CIT: variants seen among roughly 807,000 people sequenced by gnomAD.
CIT encodes citron Rho-interacting kinase.
CIT carries 79 observed loss-of-function variants against 272.7 expected under a neutral mutation model. The observed-to-expected ratio is 0.29, with a 90% confidence interval of 0.24 to 0.35. The LOEUF (loss-of-function observed/expected upper bound fraction) is 0.35. Ranked by LOEUF, CIT falls within the 10% of genes least tolerant of loss-of-function variation. The pLI is 1.00. For missense variants in CIT, 1,909 were observed against 2,618.3 expected (o/e 0.73, Z 5.91); for synonymous variants, 948 against 995.6 (o/e 0.95, Z 0.90).
At chr12:119,781,440 G>A (rs1345991500) in intron 13 of CIT, among the ~76,000 whole-genome samples, 2 of 152,226 alleles carry the variant, frequency 1.3e-5, no homozygotes, top group Non-Finnish European at 2.9e-5. Flanking sequence ...GGCTAAGTTT[G>A]TGCTACCCAG....
intron 10 of CIT, among the ~76,000 whole-genome samples, chr12:119,785,565 CT>C (rs35722685): frequency 0.46 from 67,627 of 148,468 alleles, 15,627 homozygotes; most frequent in Admixed American, 0.57. Context: ...TCATCCCGGA[CT>C]TTTTTTTTTT....
intron 5 of CIT, among the ~76,000 whole-genome samples, chr12:119,849,738 T>G (rs1468567149): frequency 6.7e-6 from 1 of 150,360 alleles, no homozygotes; most frequent in African/African-American, 2.4e-5. Flanking sequence ...CAGGCTGGAG[T>G]GCAGTGGCGC....
At chr12:119,714,475 A>T in intron 32 of CIT, 141 bp from the exon 33 acceptor site, 2 of 806,496 alleles carry the variant, frequency 2.5e-6, no homozygotes, top group Non-Finnish European at 3.7e-6. Context: ...TACATAAAGA[A>T]CTCTTACAAC....
intron 10 of CIT, among the ~76,000 whole-genome samples, chr12:119,788,549 T>A (rs1965010006): frequency 6.6e-6 from 1 of 152,106 alleles, no homozygotes; most frequent in South Asian, 2.1e-4. Context: ...GGGTGCATGA[T>A]GATAGGTAGG....
At chr12:119,808,855 C>G (rs1966748780) in intron 9 of CIT, among the ~76,000 whole-genome samples, 1 of 152,152 alleles carries the variant, frequency 6.6e-6, no homozygotes, top group Non-Finnish European at 1.5e-5. Context: ...TGCTTAAAAT[C>G]TAGAGCGCTA....
chr12:119,848,742 G>A (rs979728218), intron 5 of CIT, among the ~76,000 whole-genome samples: 5 of 151,742 alleles, frequency 3.3e-5, no homozygotes, highest in East Asian at 1.9e-4. Context: ...ATCCCCCACC[G>A]GAGCTGGGCA....
chr12:119,742,687 T>C (rs56101648), intron 23 of CIT: 4 of 423,634 alleles, frequency 9.4e-6, no homozygotes, highest in Non-Finnish European at 1.7e-5. Flanking sequence ...AGACCATACA[T>C]GCACACCCTG....
intron 13 of CIT, among the ~76,000 whole-genome samples, chr12:119,779,747 A>G (rs1593712943): frequency 6.6e-6 from 1 of 152,196 alleles, no homozygotes; most frequent in South Asian, 2.1e-4. Flanking sequence ...AGAGGGAGGA[A>G]GGCAGGAATC....
At chr12:119,760,583 C>T (rs1961643103) in intron 20 of CIT, among the ~76,000 whole-genome samples, 1 of 151,088 alleles carries the variant, frequency 6.6e-6, no homozygotes, top group Admixed American at 6.6e-5. Flanking sequence ...GCCATGATTG[C>T]ACCACCACAT....
chr12:119,755,540 T>C (rs545592973), intron 22 of CIT, among the ~76,000 whole-genome samples: 1 of 152,276 alleles, frequency 6.6e-6, no homozygotes, highest in South Asian at 2.1e-4. Flanking sequence ...ACATTGTATC[T>C]TCCCTCCCAG....
At chr12:119,783,733 C>A in intron 12 of CIT, 175 bp downstream of exon 12, 1 of 685,018 alleles carries the variant, frequency 1.5e-6, no homozygotes, top group Non-Finnish European at 2.3e-6. Flanking sequence ...TTCTTGGGGA[C>A]CTTACGCCTG....
chr12:119,859,182 A>G (rs1396500837), intron 3 of CIT, among the ~76,000 whole-genome samples: 1 of 152,240 alleles, frequency 6.6e-6, no homozygotes, highest in African/African-American at 2.4e-5. Flanking sequence ...GAACAGCATC[A>G]TACACAGGCA....
chr12:119,772,994 C>G, intron 16 of CIT, 84 bp from the exon 17 acceptor site: 1 of 1,163,290 alleles, frequency 8.6e-7, no homozygotes, highest in Non-Finnish European at 1.1e-6. Flanking sequence ...CACATGTATC[C>G]CAGAACTTAA....
At chr12:119,758,473 T>C in intron 21 of CIT, 118 bp downstream of exon 21, 2 of 705,204 alleles carry the variant, frequency 2.8e-6, no homozygotes, top group South Asian at 3.2e-5. Flanking sequence ...AGGGCTGGGC[T>C]GAGCTACAGA....
At chr12:119,750,906 T>A (rs1291200802) in intron 23 of CIT, among the ~76,000 whole-genome samples, 1 of 152,028 alleles carries the variant, frequency 6.6e-6, no homozygotes, top group Non-Finnish European at 1.5e-5. Context: ...TTTAGAGATG[T>A]TCACTGACGG....
Position 119,688,165 on chromosome 12 carries a change from G to A in CIT, c.*67C>T. On this transcript the variant is annotated 3_prime_UTR_variant, in exon 48 of 48. Transcript: ENST00000392521. Reference sequence around the variant, plus strand: ...GTGGGCGCTTGGGTCCCCATCAGCAGAGTTCCATAGTGTGTTTGGTGTTTT... The same window carrying A: ...GTGGGCGCTTGGGTCCCCATCAGCAAAGTTCCATAGTGTGTTTGGTGTTTT... 6.4e-7 allele frequency: 1 copy of A among 1,555,488 alleles called. No homozygotes were observed. The highest frequency in any genetic ancestry group is 8.9e-7 in the Non-Finnish European group (1 of 1,126,644).
At chr12:119,871,869 G>T (rs1219006846) in intron 2 of CIT, among the ~76,000 whole-genome samples, 1 of 152,116 alleles carries the variant, frequency 6.6e-6, no homozygotes, top group South Asian at 2.1e-4. Flanking sequence ...AAGAGAGTCA[G>T]ACCTCAATCA....
chr12:119,829,402 A>AAGAGAAGAGAAGAGAAGAGC (rs1195057367), intron 7 of CIT, among the ~76,000 whole-genome samples: 34 of 150,288 alleles, frequency 2.3e-4, no homozygotes, highest in African/African-American at 8.1e-4. Context: ...AAGAGAAGAG[A>AAGAGAAGAGAAGAGAAGAGC]AGAGCTTACA....
At chr12:119,759,551 C>A (rs140234149) in intron 20 of CIT, among the ~76,000 whole-genome samples, 1 of 152,202 alleles carries the variant, frequency 6.6e-6, no homozygotes, top group East Asian at 1.9e-4. Flanking sequence ...GAGGCTGAGG[C>A]AGGAGAGTCA....
Sources: allele counts gnomAD v4.1 joint callset (sites outside exome capture counted in the v4.1 genomes callset), GRCh38; gene constraint gnomAD v4.1.1; transcripts MANE v1.5; gene names NCBI Gene and HGNC (gene_info 2026-07-23, HGNC 2026-07-21).